Variants in TRIP11 observed in about 807,000 individuals in gnomAD.
TRIP11 encodes thyroid hormone receptor interactor 11.
A neutral mutation model predicts 223.1 loss-of-function variants in TRIP11; 148 were observed. The ratio of observed to expected loss-of-function variants is 0.66; its 90% confidence interval spans 0.58 to 0.76. TRIP11 has a LOEUF of 0.76. Ranked by LOEUF, TRIP11 falls within the 30% of genes least tolerant of loss-of-function variation. The pLI, the probability that TRIP11 is intolerant of heterozygous loss-of-function variation, is 0.00. For synonymous variants in TRIP11, 762 were observed against 772.6 expected, an observed-to-expected ratio of 0.99 and a Z score of 0.23; for missense variants, 2,043 against 2,222.0, an observed-to-expected ratio of 0.92 and a Z score of 1.62.
chr14:92,029,980 G>A (rs1421407317), intron 2 of TRIP11, among the ~76,000 whole-genome samples: 1 of 151,886 alleles, frequency 6.6e-6, no homozygotes, highest in South Asian at 2.1e-4. Flanking sequence ...GGCGGATCAC[G>A]AGGTCAGGAG....
In TRIP11 at chr14:92,037,685, G is replaced by C. The variant is rs140750444; in HGVS notation, c.139+1862C>G. 6.6e-6 allele frequency among the ~76,000 whole-genome samples: 1 copy of C among 152,318 alleles called. No individual in the cohort carries two copies. The highest frequency in any genetic ancestry group is 2.4e-5 in the African/African-American group (1 of 41,558). On this transcript the variant is annotated intron_variant, in intron 1 of 20. Coordinates refer to ENST00000267622, the MANE Select transcript of TRIP11 (RefSeq NM_004239.4). The surrounding 1 kb of genome is among the most constrained non-coding windows in gnomAD (Gnocchi z 4.2). Reference sequence around the variant, plus strand: ...GGTCTCAGGAGTTCGAGATCAGCCTGGCCAACATGGCGAAACCCCATCTCT... The same window carrying C: ...GGTCTCAGGAGTTCGAGATCAGCCTCGCCAACATGGCGAAACCCCATCTCT...
intron 6 of TRIP11, 79 bp from the exon 7 acceptor site, chr14:92,014,656 T>C (rs2057013618): frequency 9.7e-6 from 14 of 1,443,064 alleles, no homozygotes; most frequent in Non-Finnish European, 1.3e-5. Flanking sequence ...AACTAAGAGA[T>C]ATAAGACAGT....
chr14:91,999,514 C>T (rs1465408440), intron 12 of TRIP11, 81 bp from the exon 13 acceptor site: 1 of 1,436,176 alleles, frequency 7.0e-7, no homozygotes, highest in Non-Finnish European at 9.6e-7. Context: ...AATCTTTTTC[C>T]CATTATTGAA....
At position 91,999,325 on chromosome 14, in the gene TRIP11, CT is replaced by C; in HGVS notation, c.4806del (p.Glu1603LysfsTer7). Reference protein sequence around the residue: ...EDSYTREALAAEDREAKLRKK... With the variant: ...EDSYTREALAXEDREAKLRKK... ...TTTCTTAGTTTAGCCTCTCTATCTT[CT>C]GCAGCCAAAGCTTCACGGGTATAAG... On this transcript the variant is annotated frameshift_variant, in exon 13 of 21. Transcript: ENST00000267622. LOFTEE classifies it high-confidence loss of function. 1 of 1,613,938 alleles carries C rather than the reference CT, an allele frequency of 6.2e-7. No individual in the cohort carries two copies. Among genetic ancestry groups the C allele is most frequent in the Non-Finnish European group, 8.5e-7 (1 of 1,179,916 alleles).
At chr14:92,020,644 T>A (rs2057099722) in intron 4 of TRIP11, among the ~76,000 whole-genome samples, 1 of 151,770 alleles carries the variant, frequency 6.6e-6, no homozygotes, top group South Asian at 2.1e-4. Flanking sequence ...ACTCAATTTT[T>A]TTCCTCTCAT....
intron 3 of TRIP11, 44 bp from the exon 4 acceptor site, chr14:92,021,875 A>T (rs750645855): frequency 1.3e-6 from 2 of 1,590,692 alleles, no homozygotes; most frequent in Admixed American, 3.3e-5. Context: ...ACTTTAAAAC[A>T]ATCATATTGA....
At chr14:91,974,155 C>T (rs912292130) in intron 19 of TRIP11, among the ~76,000 whole-genome samples, 1 of 152,230 alleles carries the variant, frequency 6.6e-6, no homozygotes, top group Admixed American at 6.5e-5. Flanking sequence ...TGTTTATTAA[C>T]TGCTTCCTCC....
intron 20 of TRIP11, among the ~76,000 whole-genome samples, chr14:91,970,650 A>G (rs2056390486): frequency 6.6e-6 from 1 of 152,220 alleles, no homozygotes; most frequent in African/African-American, 2.4e-5. Context: ...GGTCTATGAA[A>G]TACAGGAGGA....
chr14:91,982,348 AAT>A (rs974265285), intron 16 of TRIP11, among the ~76,000 whole-genome samples: 5 of 152,184 alleles, frequency 3.3e-5, no homozygotes, highest in African/African-American at 1.2e-4. Context: ...TGTGAGACAG[AAT>A]ATATATTTAA....
In TRIP11 at chr14:91,968,740, A is replaced by T. The variant is rs1053357219; in HGVS notation, c.*933T>A. 1.3e-5 allele frequency: 3 copies of T among 228,390 alleles called. No individual in the cohort carries two copies. Among genetic ancestry groups the T allele is most frequent in the Non-Finnish European group, 2.6e-5 (3 of 114,402 alleles). 14.1% of individuals were successfully genotyped at this position (228,390 alleles called of 1,614,324 possible). ...GATGGATCTCAAGGGAATTATGCTG[A>T]GTGAAAAAAAGCCAGTCTCAAGAGG... On this transcript the variant is annotated 3_prime_UTR_variant, in exon 21 of 21. Transcript: ENST00000267622.
Position 92,021,800 on chromosome 14 carries a change from ATCTG to A in TRIP11, c.340_343del (p.Gln114LeufsTer8). ...TTTCAGCAACTGATCCTGGAGTGCA[ATCTG>A]TCTGGCTTTAAGATGGCTGATTTCT... On this transcript the variant is annotated frameshift_variant, in exon 4 of 21. Transcript: ENST00000267622. LOFTEE classifies it high-confidence loss of function. 1 of 1,614,148 alleles carries A rather than the reference ATCTG, an allele frequency of 6.2e-7. No homozygotes were observed. The highest frequency in any genetic ancestry group is 8.5e-7 in the Non-Finnish European group (1 of 1,180,038).
intron 1 of TRIP11, among the ~76,000 whole-genome samples, chr14:92,035,371 T>C (rs963648038): frequency 6.6e-5 from 10 of 151,834 alleles, no homozygotes; most frequent in Non-Finnish European, 1.5e-4. Flanking sequence ...ATTTTTTTTC[T>C]AAGTACTAGT....
rs1170272917 is a variant in TRIP11 at position 92,005,795 on chromosome 14, C to G, written c.2181G>C (p.Trp727Cys). ...EKGEIEAELCWAKKRLLEEAN... is the reference protein window; with the variant it reads ...EKGEIEAELCCAKKRLLEEAN... ...CTTCTTCCAACAGCCTCTTTTTAGC[C>G]CAACACAATTCTGCCTCTATCTCTC... The change falls in exon 11 of 21, where the codon TGG becomes TGC. Residue 727 changes from tryptophan (W) to cysteine (C), a missense_variant. Physicochemically the swap from Trp to Cys is radical, Grantham distance 215 (BLOSUM62 -2). Coordinates refer to ENST00000267622, the MANE Select transcript of TRIP11 (RefSeq NM_004239.4). 1 of 1,614,052 alleles carries G rather than the reference C, an allele frequency of 6.2e-7. No homozygotes were observed.
At chr14:91,976,014 T>G in intron 17 of TRIP11, 94 bp downstream of exon 17, 2 of 1,235,802 alleles carry the variant, frequency 1.6e-6, no homozygotes, top group Non-Finnish European at 2.3e-6. Flanking sequence ...TTTGAAAAAT[T>G]TAATCACATA....
At chr14:92,021,494 T>G (rs1309911200) in intron 4 of TRIP11, 62 bp downstream of exon 4, 1 of 1,562,352 alleles carries the variant, frequency 6.4e-7, no homozygotes, top group East Asian at 2.2e-5. Flanking sequence ...ACATACAGTT[T>G]TTTATATTAC....
intron 10 of TRIP11, among the ~76,000 whole-genome samples, chr14:92,007,095 G>A (rs905231095): frequency 2.0e-5 from 3 of 149,358 alleles, no homozygotes; most frequent in African/African-American, 4.9e-5. Context: ...GCATGATCTC[G>A]GCTCACTGTA....
In TRIP11 at chr14:91,976,135, G is replaced by T. The variant is rs1434090360; in HGVS notation, c.5315C>A (p.Ala1772Glu). The T allele has an allele frequency of 6.2e-7, 1 of 1,612,264 alleles. No individual in the cohort carries two copies. The highest frequency in any genetic ancestry group is 1.3e-5 in the African/African-American group (1 of 74,868). Residue 1772 changes from alanine to glutamate, a missense_variant, in exon 17 of 21, where the codon GCA becomes GAA. By Grantham distance (107) the Ala-to-Glu change is moderately radical. Transcript: ENST00000267622. Reference protein sequence around the residue: ...DDVQKKLMSLANSSEGKVDKV... With the variant: ...DDVQKKLMSLENSSEGKVDKV... The stretch of plus-strand genomic sequence containing the variant: ...GTCTACTTTTCCTTCTGAGCTGTTT[G>T]CTAAGCTCATCAATTTCTTTTGTAC...
At chr14:92,027,649 TAAC>T (rs917918232) in intron 2 of TRIP11, among the ~76,000 whole-genome samples, 11 of 152,246 alleles carry the variant, frequency 7.2e-5, no homozygotes, top group Admixed American at 7.2e-4. Context: ...TAATTGCAGA[TAAC>T]AATTTACTAA....
intron 7 of TRIP11, 23 bp downstream of exon 7, chr14:92,014,192 A>G: frequency 6.2e-7 from 1 of 1,613,782 alleles, no homozygotes; most frequent in Non-Finnish European, 8.5e-7. Context: ...AGCAATCTGA[A>G]ATAAGTTCCA....
Sources: allele counts gnomAD v4.1 joint callset (sites outside exome capture counted in the v4.1 genomes callset), GRCh38; gene constraint gnomAD v4.1.1; non-coding constraint Gnocchi (gnomAD v3.1); transcripts MANE v1.5; gene names NCBI Gene and HGNC (gene_info 2026-07-23, HGNC 2026-07-21).